The following RNF150 variants were observed in gnomAD, a reference collection of about 807,000 sequenced individuals.
The protein encoded by RNF150 is ring finger protein 150.
A neutral mutation model predicts 39.3 loss-of-function variants in RNF150; 24 were observed. That is an observed-to-expected ratio of 0.61 (90% CI 0.44 to 0.86). The LOEUF (loss-of-function observed/expected upper bound fraction) is 0.86, where lower values mean the gene tolerates loss of function less well. RNF150 is among the 40% of genes least tolerant of loss of function. RNF150 has a pLI of 0.00. For synonymous variants in RNF150, 255 were observed against 227.3 expected (o/e 1.12, Z -1.10); for missense variants, 502 against 587.8 (o/e 0.85, Z 1.51).
At chr4:141,161,226 T>A (rs1223551287) in intron 1 of RNF150, among the ~76,000 whole-genome samples, 1 of 152,184 alleles carries the variant, frequency 6.6e-6, no homozygotes. Context: ...TTGCTATGCT[T>A]TAGCAAAAAC....
At chr4:140,971,291 G>C (rs1733455548) in intron 1 of RNF150, among the ~76,000 whole-genome samples, 1 of 152,054 alleles carries the variant, frequency 6.6e-6, no homozygotes, top group Non-Finnish European at 1.5e-5. Context: ...GTGGGGCTAG[G>C]GGGAGTGGTG....
intron 1 of RNF150, among the ~76,000 whole-genome samples, chr4:141,207,785 G>A (rs1728397207): frequency 6.6e-6 from 1 of 152,106 alleles, no homozygotes; most frequent in African/African-American, 2.4e-5. Flanking sequence ...ATAGAGATAT[G>A]GATTCTAATC....
At chr4:141,087,286 T>G (rs1738403420) in intron 1 of RNF150, among the ~76,000 whole-genome samples, 1 of 152,230 alleles carries the variant, frequency 6.6e-6, no homozygotes, top group Admixed American at 6.5e-5. Flanking sequence ...ATCCTCCAGC[T>G]TCATCCATGT....
intron 1 of RNF150, among the ~76,000 whole-genome samples, chr4:141,197,238 A>T (rs1461600661): frequency 2.0e-5 from 3 of 152,206 alleles, no homozygotes; most frequent in Non-Finnish European, 4.4e-5. Flanking sequence ...TTTGTAAAAA[A>T]TGTAACTTGA....
chr4:141,132,740 G>C lies in RNF150; in HGVS notation c.69C>G (p.Phe23Leu), dbSNP rs1259816963. The C allele has an allele frequency of 2.5e-6, 4 of 1,610,480 alleles. No homozygotes were observed. The highest frequency in any genetic ancestry group is 1.6e-4 in the Middle Eastern group (1 of 6,068). The change falls in exon 1 of 7, where the codon TTC becomes TTG. Residue 23 changes from phenylalanine (F) to leucine (L), a missense_variant. Transcript: ENST00000515673. The surrounding 1 kb of genome is among the most constrained non-coding windows in gnomAD (Gnocchi z 4.9). Reference protein sequence around the residue: ...ALSTWLLSFCFVHLLCLDFTV... With the variant: ...ALSTWLLSFCLVHLLCLDFTV... ...TAAAGTCCAGGCAGAGCAGATGCAC[G>C]AAACAAAAGGAAAGCAGCCATGTTG...
At chr4:140,965,110 G>A (rs1406427377) in intron 2 of RNF150, among the ~76,000 whole-genome samples, 1 of 152,052 alleles carries the variant, frequency 6.6e-6, no homozygotes, top group Admixed American at 6.6e-5. Context: ...AGTAGAGGGT[G>A]AAAACATGAA....
intron 1 of RNF150, among the ~76,000 whole-genome samples, chr4:141,077,208 G>A (rs1737928685): frequency 6.6e-6 from 1 of 152,174 alleles, no homozygotes; most frequent in Non-Finnish European, 1.5e-5. Context: ...CTACACAAAT[G>A]TTTACAGCAG....
rs1730592699 is a variant in RNF150 at position 140,911,299 on chromosome 4, C to G, written c.1043G>C (p.Gly348Ala). Residue 348 changes from glycine (G) to alanine (A), a missense_variant, in exon 6 of 7, where the codon GGT becomes GCT. Transcript: ENST00000515673. The stretch of plus-strand genomic sequence containing the variant: ...ACCTGTGATCTGGTTGGTGGGTGGA[C>G]CTCCCAGAGAGCCCTCGAAGTCAGT... ...LPTDFEGSLG[G>A]PPTNQITGAS... 11 of 1,614,126 alleles carry G rather than the reference C, an allele frequency of 6.8e-6. No homozygotes were observed. Among genetic ancestry groups the G allele is most frequent in the Non-Finnish European group, 9.3e-6 (11 of 1,180,018 alleles).
intron 1 of RNF150, among the ~76,000 whole-genome samples, chr4:141,100,945 T>C (rs1346400681): frequency 2.0e-5 from 3 of 152,276 alleles, no homozygotes; most frequent in African/African-American, 7.2e-5. Context: ...TTTAAAATGG[T>C]ACACCCGTTT....
chr4:140,871,949 C>T lies in RNF150; in HGVS notation c.1199-3570G>A, dbSNP rs540727354. ...AAATAAATGAAAATAGAGAAATTTACAAAAATGGTTCGGTTTTTATGATAT... is the reference window on the plus strand; with the variant it reads ...AAATAAATGAAAATAGAGAAATTTATAAAAATGGTTCGGTTTTTATGATAT... On this transcript the variant is annotated intron_variant, in intron 6 of 6. Transcript: ENST00000515673. 1.3e-5 allele frequency among the ~76,000 whole-genome samples: 2 copies of T among 152,228 alleles called. 1 individual carries two copies. The highest frequency in any genetic ancestry group is 4.2e-4 in the South Asian group (2 of 4,816).
chr4:141,084,359 T>C (rs1216923439), intron 1 of RNF150, among the ~76,000 whole-genome samples: 1 of 152,108 alleles, frequency 6.6e-6, no homozygotes, highest in East Asian at 1.9e-4. Flanking sequence ...CAAAACCAAA[T>C]AAAGAGTTTT....
At chr4:140,975,888 C>T (rs1399466653) in intron 1 of RNF150, among the ~76,000 whole-genome samples, 4 of 152,104 alleles carry the variant, frequency 2.6e-5, no homozygotes, top group Non-Finnish European at 5.9e-5. Flanking sequence ...GCTGAAGTTC[C>T]GGCCTTCTAT....
intron 1 of RNF150, among the ~76,000 whole-genome samples, chr4:141,003,671 A>T (rs894919671): frequency 6.6e-6 from 1 of 152,070 alleles, no homozygotes; most frequent in African/African-American, 2.4e-5. Context: ...AAAGTCATAG[A>T]TGCATCTACT....
At chr4:141,031,046 C>T (rs1735924889) in intron 1 of RNF150, among the ~76,000 whole-genome samples, 2 of 151,776 alleles carry the variant, frequency 1.3e-5, no homozygotes, top group African/African-American at 4.8e-5. Flanking sequence ...GTCTAAGAAA[C>T]CACCACAGTT....
chr4:141,186,851 C>T (rs62327560), intron 1 of RNF150, among the ~76,000 whole-genome samples: 1 of 151,994 alleles, frequency 6.6e-6, no homozygotes, highest in Non-Finnish European at 1.5e-5. Flanking sequence ...GTCTCTATCT[C>T]CTTCAGTTCT....
At chr4:140,939,325 A>T (rs2111352838) in intron 4 of RNF150, among the ~76,000 whole-genome samples, 1 of 152,326 alleles carries the variant, frequency 6.6e-6, no homozygotes, top group African/African-American at 2.4e-5. Flanking sequence ...TCTTTGTAAA[A>T]GTATAGCCTT....
intron 5 of RNF150, among the ~76,000 whole-genome samples, chr4:140,923,151 A>C (rs1422764767): frequency 2.0e-5 from 3 of 152,104 alleles, no homozygotes; most frequent in Non-Finnish European, 2.9e-5. Context: ...CCTTCTGCAC[A>C]GCAAAACAAA....
intron 1 of RNF150, among the ~76,000 whole-genome samples, chr4:141,015,577 A>ATGCTGATTTTTGGG (rs907236373): frequency 5.3e-5 from 8 of 152,062 alleles, no homozygotes; most frequent in Non-Finnish European, 8.8e-5. Flanking sequence ...TATAGAAATG[A>ATGCTGATTTTTGGG]TGCTGATTTT....
chr4:141,059,116 C>G (rs115058499), intron 1 of RNF150, among the ~76,000 whole-genome samples: 2,035 of 152,308 alleles, frequency 0.013, 18 homozygotes, highest in Non-Finnish European at 0.021. Flanking sequence ...TTCTTCTGCT[C>G]TCTCTACTTT....
Sources: allele counts gnomAD v4.1 joint callset (sites outside exome capture counted in the v4.1 genomes callset), GRCh38; gene constraint gnomAD v4.1.1; non-coding constraint Gnocchi (gnomAD v3.1); transcripts MANE v1.5; gene names NCBI Gene and HGNC (gene_info 2026-07-23, HGNC 2026-07-21).